RNFT2: variants seen among roughly 807,000 people sequenced by gnomAD.
RNFT2 encodes the protein ring finger protein, transmembrane 2, also known as E3 ubiquitin-protein ligase RNFT2.
A neutral mutation model predicts 53.0 loss-of-function variants in RNFT2; 36 were observed. The observed-to-expected ratio is 0.68, with a 90% CI of 0.52 to 0.90. The LOEUF (loss-of-function observed/expected upper bound fraction) is 0.90. Ranked by LOEUF, RNFT2 falls within the 40% of genes least tolerant of loss-of-function variation. The probability of loss-of-function intolerance (pLI) is 0.00; values close to 1 mark genes in which losing one functional copy is unlikely to be tolerated. For missense variants in RNFT2, 514 were observed against 585.6 expected (o/e 0.88, Z 1.26); for synonymous variants, 260 against 253.2 (o/e 1.03, Z -0.26).
chr12:116,806,745 CA>C (rs59532955), intron 7 of RNFT2, among the ~76,000 whole-genome samples: 3,401 of 89,564 alleles, frequency 0.038, 98 homozygotes, highest in African/African-American at 0.097. Flanking sequence ...GACCCTCTCT[CA>C]AAAAAAAAAA....
chr12:116,837,797 A>G (rs558522809), intron 10 of RNFT2, among the ~76,000 whole-genome samples: 19 of 152,294 alleles, frequency 1.2e-4, no homozygotes, highest in African/African-American at 4.6e-4. Flanking sequence ...GCTTTGACAA[A>G]TGTACCACGG....
chr12:116,846,108 C>A (rs767866557), intron 10 of RNFT2, among the ~76,000 whole-genome samples: 3 of 152,088 alleles, frequency 2.0e-5, no homozygotes, highest in Non-Finnish European at 4.4e-5. Context: ...CCACTGTACA[C>A]CATGCTAGGA....
intron 7 of RNFT2, among the ~76,000 whole-genome samples, chr12:116,798,993 C>T (rs570565121): frequency 3.9e-5 from 6 of 152,102 alleles, no homozygotes; most frequent in Admixed American, 2.0e-4. Flanking sequence ...CAGTCCAGGT[C>T]AGCTTGATTG....
chr12:116,749,281 C>A (rs969465793), intron 3 of RNFT2, among the ~76,000 whole-genome samples: 2 of 4,480 alleles, frequency 4.5e-4, no homozygotes, highest in Non-Finnish European at 9.0e-4. Context: ...TTCCTCTTTC[C>A]CCCCCCACCA....
At chr12:116,772,716 A>AT (rs1873257427) in intron 6 of RNFT2, among the ~76,000 whole-genome samples, 1 of 152,180 alleles carries the variant, frequency 6.6e-6, no homozygotes, top group African/African-American at 2.4e-5. Context: ...TTCTCTACAT[A>AT]TTTATACATA....
chr12:116,767,746 A>G (rs1169605796), intron 6 of RNFT2, among the ~76,000 whole-genome samples: 2 of 151,346 alleles, frequency 1.3e-5, no homozygotes, highest in Non-Finnish European at 2.9e-5. Flanking sequence ...CGCCCAGCGA[A>G]TTTTTGTATT....
intron 7 of RNFT2, among the ~76,000 whole-genome samples, chr12:116,794,880 A>AG (rs1874432576): frequency 6.6e-6 from 1 of 152,024 alleles, no homozygotes; most frequent in Non-Finnish European, 1.5e-5. Flanking sequence ...GTTTGCTTAC[A>AG]GGGGCAATGC....
intron 10 of RNFT2, among the ~76,000 whole-genome samples, chr12:116,844,496 A>C (rs541686460): frequency 6.6e-6 from 1 of 152,292 alleles, no homozygotes; most frequent in South Asian, 2.1e-4. Flanking sequence ...TGGCCTCCCA[A>C]AGTGTTGGGA....
rs545599295 is a variant in RNFT2 at position 116,849,510 on chromosome 12, C to T, written c.*62C>T. The stretch of plus-strand genomic sequence containing the variant: ...GTCAGCATGCCCGGACCCAGCCCTG[C>T]GGGGGCTTCCTGAGAAACAGGCCTC... On this transcript the variant is annotated 3_prime_UTR_variant, in exon 11 of 11. Coordinates refer to ENST00000257575, the MANE Select transcript of RNFT2 (RefSeq NM_001382266.1). The T allele has an allele frequency of 5.6e-5, 84 of 1,504,632 alleles. No individual in the cohort carries two copies. The African/African-American group carries it at 8.9e-4, about 16-fold the overall frequency. The allele number at this position is 1,504,632 out of a possible 1,614,324, so 93.2% of individuals were successfully genotyped here. A position where few individuals can be genotyped will look rare whatever the true frequency, so the allele number is the denominator to read the frequency against.
chr12:116,852,330 C>T lies in RNFT2; in HGVS notation c.*2882C>T, dbSNP rs113432788. 3.8e-5 allele frequency: 48 copies of T among 1,256,612 alleles called. No homozygotes were observed. The highest frequency in any genetic ancestry group is 3.2e-4 in the Middle Eastern group (1 of 3,168). The allele number at this position is 1,256,612 out of a possible 1,614,324, so 77.8% of individuals were successfully genotyped here. On this transcript the variant is annotated 3_prime_UTR_variant, in exon 11 of 11. Coordinates refer to ENST00000257575, the MANE Select transcript of RNFT2 (RefSeq NM_001382266.1). ...TTAACATGTCCCCTTCCCCCTGCCC[C>T]GCCGTAGATTCAGGACATTTGCCCC...
At chr12:116,784,620 C>G (rs1873851560) in intron 7 of RNFT2, among the ~76,000 whole-genome samples, 1 of 152,188 alleles carries the variant, frequency 6.6e-6, no homozygotes, top group Non-Finnish European at 1.5e-5. Flanking sequence ...TCTCATTGTT[C>G]TAGATCTCAG....
intron 5 of RNFT2, 137 bp downstream of exon 5, chr12:116,754,197 A>C: frequency 1.5e-6 from 1 of 684,266 alleles, no homozygotes; most frequent in African/African-American, 1.8e-5. Context: ...TAACTCCCAC[A>C]TATCAGTGAG....
chr12:116,743,239 AAAAAAC>A (rs1329756170), intron 3 of RNFT2, among the ~76,000 whole-genome samples: 3,665 of 108,596 alleles, frequency 0.034, 922 homozygotes, highest in African/African-American at 0.11. Flanking sequence ...AAAAAAAAAA[AAAAAAC>A]CGGTTAAAAA....
At chr12:116,769,219 C>T (rs568926535) in intron 6 of RNFT2, among the ~76,000 whole-genome samples, 32 of 152,146 alleles carry the variant, frequency 2.1e-4, no homozygotes, top group African/African-American at 5.3e-4. Context: ...ATTAGCTGGG[C>T]GTGGTAGCAG....
Position 116,817,896 on chromosome 12 carries a change from C to A in RNFT2, c.883-15896C>A, listed in dbSNP as rs183585558. Among the ~76,000 whole-genome samples the A allele has an allele frequency of 4.9e-3, 746 of 152,266 alleles. 6 individuals carry two copies. Among genetic ancestry groups the A allele is most frequent in the African/African-American group, 0.017 (697 of 41,544 alleles). On this transcript the variant is annotated intron_variant, in intron 7 of 10. Coordinates refer to ENST00000257575, the MANE Select transcript of RNFT2 (RefSeq NM_001382266.1). ...AAGATGATAAATGAAAGAAACAGAC[C>A]AAAACAGAGTCCCTGCTCTCATTTC... is the stretch of plus-strand genomic sequence containing the variant.
At chr12:116,842,275 C>T (rs1334986128) in intron 10 of RNFT2, among the ~76,000 whole-genome samples, 1 of 151,980 alleles carries the variant, frequency 6.6e-6, no homozygotes, top group Non-Finnish European at 1.5e-5. Flanking sequence ...CTGTATCCTC[C>T]TTGTTGGAAG....
At chr12:116,741,281 G>T (rs1026395865) in intron 3 of RNFT2, among the ~76,000 whole-genome samples, 187 bp downstream of exon 3, 3 of 152,204 alleles carry the variant, frequency 2.0e-5, no homozygotes, top group African/African-American at 4.8e-5. Context: ...AAAGTCCTGT[G>T]TGATAGGTGA....
At chr12:116,776,329 G>A (rs181071011) in intron 6 of RNFT2, among the ~76,000 whole-genome samples, 99 of 152,242 alleles carry the variant, frequency 6.5e-4, no homozygotes, top group African/African-American at 2.3e-3. Context: ...AGATAAAATG[G>A]AAAGGATAAG....
intron 7 of RNFT2, among the ~76,000 whole-genome samples, chr12:116,791,224 C>A (rs1234109068): frequency 6.6e-6 from 1 of 152,182 alleles, no homozygotes; most frequent in East Asian, 1.9e-4. Context: ...GGAATAATAC[C>A]CTATGTGGCC....
Sources: gnomAD v4.1 joint callset for allele counts (sites outside exome capture counted in the v4.1 genomes callset) on GRCh38, gnomAD v4.1.1 for gene constraint, MANE v1.5 for transcripts, NCBI Gene and HGNC (gene_info 2026-07-23, HGNC 2026-07-21) for gene names.